IL1RAPL2: variants seen among roughly 807,000 people sequenced by gnomAD.
The protein encoded by IL1RAPL2 is X-linked interleukin-1 receptor accessory protein-like 2.
A neutral mutation model predicts 44.1 loss-of-function variants in IL1RAPL2; 3 were observed. That is an observed-to-expected ratio of 0.07 (90% CI 0.03 to 0.18). The LOEUF is 0.18. Among genes scored for constraint, IL1RAPL2 ranks in the 10% least tolerant of loss-of-function variants. IL1RAPL2 has a pLI of 1.00. For synonymous variants in IL1RAPL2, 181 were observed against 178.8 expected (o/e 1.01, Z -0.10); for missense variants, 391 against 496.4 (o/e 0.79, Z 2.02).
intron 2 of IL1RAPL2, among the ~76,000 whole-genome samples, chrX:105,187,757 G>A (rs1556134766): frequency 9.0e-6 from 1 of 111,433 alleles, no homozygotes; most frequent in African/African-American, 3.3e-5. Context: ...TTGGTTAAAG[G>A]GTACAAAGTT....
intron 1 of IL1RAPL2, among the ~76,000 whole-genome samples, chrX:104,610,534 T>C (rs1003121452): frequency 8.9e-6 from 1 of 111,805 alleles, no homozygotes; most frequent in Non-Finnish European, 1.9e-5. Context: ...CACAATTGCT[T>C]CAAAGAGAAT....
At chrX:104,753,093 G>T (rs1932287364) in intron 2 of IL1RAPL2, among the ~76,000 whole-genome samples, 1 of 106,884 alleles carries the variant, frequency 9.4e-6, no homozygotes. Context: ...TACTGGGCTT[G>T]TCTACTTGAG....
At chrX:105,307,275 T>A (rs79879620) in intron 5 of IL1RAPL2, among the ~76,000 whole-genome samples, 5,676 of 92,676 alleles carry the variant, frequency 0.061, 562 homozygotes, top group African/African-American at 0.22. Flanking sequence ...AAAAAAAAAA[T>A]TTTTTTTTAA....
rs761229960 is a variant in IL1RAPL2, at chrX:105,398,490, T to G, written c.698-85823T>G. On this transcript the variant is annotated intron_variant, in intron 5 of 10. Coordinates refer to ENST00000372582, the MANE Select transcript of IL1RAPL2 (RefSeq NM_017416.2). ...CGATCTAAAGATATATTTGATTTTT[T>G]TGTGTGTGTGTGTATGTAATTAGGA... Among the ~76,000 whole-genome samples, 663 of 110,554 alleles carry G rather than the reference T, an allele frequency of 6.0e-3. 10 individuals carry two copies. The highest frequency in any genetic ancestry group is 0.02 in the African/African-American group (623 of 30,523).
chrX:105,717,508 G>A lies in IL1RAPL2; in HGVS notation c.902+12G>A, dbSNP rs755563467. The A allele has an allele frequency of 5.9e-6, 7 of 1,184,549 alleles. No individual in the cohort carries two copies. The Admixed American group carries it at 9.1e-5, about 15-fold the overall frequency. On this transcript the variant is annotated intron_variant, in intron 7 of 10. Coordinates refer to ENST00000372582, the MANE Select transcript of IL1RAPL2 (RefSeq NM_017416.2). ...GAAGGTGAAATAAGGTAGAGAGCTT[G>A]AATTGCTTATCTTTCTTTGCTGTCT...
At chrX:104,578,902 T>C (rs1478706089) in intron 1 of IL1RAPL2, among the ~76,000 whole-genome samples, 5 of 111,766 alleles carry the variant, frequency 4.5e-5, no homozygotes, top group African/African-American at 1.6e-4. Flanking sequence ...CACAACTTAA[T>C]ATTCATAATA....
At chrX:105,527,864 C>A (rs997553031) in intron 6 of IL1RAPL2, among the ~76,000 whole-genome samples, 8 of 111,238 alleles carry the variant, frequency 7.2e-5, no homozygotes, top group African/African-American at 2.6e-4. Context: ...CTTTGCCCAC[C>A]ATCTTCTCTG....
At chrX:104,657,928 C>G (rs983646655) in intron 1 of IL1RAPL2, among the ~76,000 whole-genome samples, 2 of 112,245 alleles carry the variant, frequency 1.8e-5, no homozygotes, top group Non-Finnish European at 3.8e-5. Flanking sequence ...TACCATCTCA[C>G]ACCAGTTAGA....
intron 2 of IL1RAPL2, among the ~76,000 whole-genome samples, chrX:105,186,401 G>T (rs1358344981): frequency 8.9e-6 from 1 of 112,033 alleles, no homozygotes; most frequent in Admixed American, 9.5e-5. Flanking sequence ...GTTGGGATAT[G>T]CATGGAAGGT....
At chrX:104,640,789 T>C (rs193222374) in intron 1 of IL1RAPL2, among the ~76,000 whole-genome samples, 2 of 112,241 alleles carry the variant, frequency 1.8e-5, no homozygotes, top group East Asian at 2.8e-4. Flanking sequence ...GTGATTTCCT[T>C]AGTAGCTTAG....
At chrX:105,417,027 C>T (rs934982029) in intron 5 of IL1RAPL2, among the ~76,000 whole-genome samples, 2 of 112,132 alleles carry the variant, frequency 1.8e-5, no homozygotes, top group Non-Finnish European at 3.8e-5. Flanking sequence ...CTCCTTTCTT[C>T]TGTAGTTAGT....
At chrX:104,654,062 C>T (rs962025976) in intron 1 of IL1RAPL2, among the ~76,000 whole-genome samples, 4 of 110,320 alleles carry the variant, frequency 3.6e-5, no homozygotes, top group African/African-American at 1.3e-4. Flanking sequence ...TCCCCCCCAC[C>T]CCCAATGTCT....
chrX:104,777,410 C>T (rs1360743846), intron 2 of IL1RAPL2, among the ~76,000 whole-genome samples: 2 of 110,081 alleles, frequency 1.8e-5, no homozygotes, highest in African/African-American at 6.6e-5. Flanking sequence ...TATTTCGTTG[C>T]ATTTATATAC....
rs782000058 is a variant in IL1RAPL2 at position 105,211,602 on chromosome X, C to T, written c.356+15854C>T. Among the ~76,000 whole-genome samples, 8 of 111,169 alleles carry T rather than the reference C, an allele frequency of 7.2e-5. No homozygotes were observed. In the South Asian group the frequency reaches 1.2e-3, roughly 16 times the overall value. On this transcript the variant is annotated intron_variant, in intron 3 of 10. Coordinates refer to ENST00000372582, the MANE Select transcript of IL1RAPL2 (RefSeq NM_017416.2). ...CCCTGATGCAACTCCCCAGCTGGTT[C>T]GAACATATTATTTGATGGTCTCTTA... is the stretch of plus-strand genomic sequence containing the variant.
intron 2 of IL1RAPL2, among the ~76,000 whole-genome samples, chrX:104,672,041 A>G (rs1444212429): frequency 2.7e-5 from 3 of 111,807 alleles, no homozygotes; most frequent in Non-Finnish European, 3.8e-5. Flanking sequence ...TTCATGTGGT[A>G]TGAACTAGCT....
intron 2 of IL1RAPL2, among the ~76,000 whole-genome samples, chrX:105,144,255 C>CCA (rs2033158598): frequency 2.7e-5 from 3 of 110,048 alleles, no homozygotes; most frequent in African/African-American, 9.9e-5. Flanking sequence ...GATCTAGCTA[C>CCA]TTACTAACAC....
intron 2 of IL1RAPL2, among the ~76,000 whole-genome samples, chrX:104,691,966 A>G (rs1212900176): frequency 1.8e-5 from 2 of 111,765 alleles, no homozygotes; most frequent in Admixed American, 1.9e-4. Context: ...AAGGAAAACA[A>G]TGCCTAGTTA....
intron 4 of IL1RAPL2, among the ~76,000 whole-genome samples, chrX:105,239,716 G>C (rs2034153777): frequency 9.1e-6 from 1 of 110,329 alleles, no homozygotes; most frequent in Admixed American, 9.6e-5. Context: ...ATAAGCCCAA[G>C]GTTCAATGTC....
At chrX:104,707,067 A>C (rs1035671911) in intron 2 of IL1RAPL2, among the ~76,000 whole-genome samples, 32 of 111,281 alleles carry the variant, frequency 2.9e-4, no homozygotes, top group Non-Finnish European at 2.8e-4. Context: ...GTTGGGAATG[A>C]GTCCTCAAAT....
Sources: allele counts gnomAD v4.1 joint callset (sites outside exome capture counted in the v4.1 genomes callset), GRCh38; gene constraint gnomAD v4.1.1; transcripts MANE v1.5; gene names NCBI Gene and HGNC (gene_info 2026-07-23, HGNC 2026-07-21).